Variants in KIF5C observed in about 807,000 individuals in gnomAD.
KIF5C encodes the protein kinesin family member 5C.
A neutral mutation model predicts 125.2 loss-of-function variants in KIF5C; 18 were observed. The observed-to-expected ratio is 0.14, with a 90% CI of 0.10 to 0.21. KIF5C has a LOEUF of 0.21. Ranked by LOEUF, KIF5C falls within the 10% of genes least tolerant of loss-of-function variation. The pLI is 1.00. For missense variants in KIF5C, 780 were observed against 1,183.8 expected (o/e 0.66, Z 5.01); for synonymous variants, 405 against 434.0 (o/e 0.93, Z 0.83).
rs1355292139 is a variant in KIF5C at position 148,963,545 on chromosome 2, G to A, written c.1117+1426G>A. Reference sequence around the variant, plus strand: ...TTTGAAAGATTTTCTAGCAGCACACGTGTTTGGAAAGCTACTAGAATAATT... The same window carrying A: ...TTTGAAAGATTTTCTAGCAGCACACATGTTTGGAAAGCTACTAGAATAATT... On this transcript the variant is annotated intron_variant, in intron 11 of 25. Coordinates refer to ENST00000435030, the MANE Select transcript of KIF5C (RefSeq NM_004522.3). Among the ~76,000 whole-genome samples the A allele has an allele frequency of 3.3e-5, 5 of 152,296 alleles. No homozygotes were observed. In the East Asian group the frequency reaches 9.6e-4, roughly 29 times the overall value.
intron 25 of KIF5C, among the ~76,000 whole-genome samples, chr2:149,014,673 C>T (rs956616729): frequency 3.9e-5 from 6 of 152,172 alleles, no homozygotes; most frequent in African/African-American, 1.4e-4. Flanking sequence ...TGCTTCTAAG[C>T]CCATAACAAT....
chr2:149,017,490 A>T (rs1196670181), intron 25 of KIF5C, among the ~76,000 whole-genome samples: 1 of 152,146 alleles, frequency 6.6e-6, no homozygotes, highest in Non-Finnish European at 1.5e-5. Context: ...ACATCTGCCC[A>T]GCTCCCTCGT....
chr2:149,007,683 G>A (rs1189138239), intron 22 of KIF5C, among the ~76,000 whole-genome samples: 2 of 151,652 alleles, frequency 1.3e-5, no homozygotes, highest in East Asian at 3.9e-4. Flanking sequence ...AAAGGCAGAT[G>A]TATATTTTAC....
chr2:149,013,977 T>C (rs1682286798), intron 25 of KIF5C, among the ~76,000 whole-genome samples: 1 of 152,206 alleles, frequency 6.6e-6, no homozygotes, highest in African/African-American at 2.4e-5. Flanking sequence ...ATGTCCAGGT[T>C]TGTCACATAA....
chr2:148,959,794 C>T (rs1042935886), intron 10 of KIF5C, among the ~76,000 whole-genome samples: 21 of 152,168 alleles, frequency 1.4e-4, no homozygotes, highest in Non-Finnish European at 2.5e-4. Flanking sequence ...CACAGGCAGG[C>T]GATCAGAAGG....
chr2:148,987,409 C>T (rs1281620504), intron 15 of KIF5C, among the ~76,000 whole-genome samples: 3 of 152,028 alleles, frequency 2.0e-5, no homozygotes, highest in South Asian at 2.1e-4. Context: ...GGTGGTCTCT[C>T]GTTGGGGAAG....
At chr2:149,016,769 G>A (rs941462377) in intron 25 of KIF5C, among the ~76,000 whole-genome samples, 3 of 152,222 alleles carry the variant, frequency 2.0e-5, no homozygotes, top group Admixed American at 2.0e-4. Context: ...CAGGGCTGGA[G>A]AGTTGTGACT....
At chr2:148,952,813 G>GT (rs1558914305) in intron 10 of KIF5C, among the ~76,000 whole-genome samples, 1 of 152,168 alleles carries the variant, frequency 6.6e-6, no homozygotes, top group East Asian at 1.9e-4. Context: ...AAAAAAGTCC[G>GT]TGACCGATGG....
chr2:149,014,104 A>C lies in KIF5C; in HGVS notation c.*7+2421A>C, dbSNP rs188107157. On this transcript the variant is annotated intron_variant, in intron 25 of 25. Coordinates refer to ENST00000435030, the MANE Select transcript of KIF5C (RefSeq NM_004522.3). ...CAATGGCATGATCTTGGCTCACTGCATCCTCTGCCTCCTGGGTTCAAACGA... is the reference window on the plus strand; with the variant it reads ...CAATGGCATGATCTTGGCTCACTGCCTCCTCTGCCTCCTGGGTTCAAACGA... Among the ~76,000 whole-genome samples, 293 of 152,276 alleles carry C rather than the reference A, an allele frequency of 1.9e-3. 1 individual carries two copies. The highest frequency in any genetic ancestry group is 6.8e-3 in the African/African-American group (283 of 41,552).
At position 148,989,796 on chromosome 2, in the gene KIF5C, G is replaced by A. The variant is rs998692791; in HGVS notation, c.1717-1214G>A. On this transcript the variant is annotated intron_variant, in intron 15 of 25. Transcript: ENST00000435030. ...ATTTATATTGTTGTTGAATTCTTAT[G>A]GTAAGGTTGATGCCAAACTACAGGC... 2.6e-5 allele frequency among the ~76,000 whole-genome samples: 4 copies of A among 152,084 alleles called. No homozygotes were observed. The East Asian group carries it at 7.7e-4, about 29-fold the overall frequency.
intron 1 of KIF5C, among the ~76,000 whole-genome samples, chr2:148,906,503 T>C (rs1681114223): frequency 6.6e-6 from 1 of 152,086 alleles, no homozygotes; most frequent in Non-Finnish European, 1.5e-5. Context: ...GAGTATTGCT[T>C]GAGCCCAGGA....
chr2:148,998,645 G>T, intron 19 of KIF5C, 136 bp downstream of exon 19: 2 of 1,353,952 alleles, frequency 1.5e-6, no homozygotes, highest in Non-Finnish European at 2.0e-6. Context: ...GACACAGCAG[G>T]CTGGGCGGGC....
intron 4 of KIF5C, among the ~76,000 whole-genome samples, chr2:148,939,931 C>T (rs1310730428): frequency 6.6e-6 from 1 of 152,194 alleles, no homozygotes; most frequent in Non-Finnish European, 1.5e-5. Flanking sequence ...CCCTCGCACA[C>T]ACACCAAAAG....
chr2:148,991,430 C>G (rs1466615964), intron 16 of KIF5C, among the ~76,000 whole-genome samples: 1 of 151,998 alleles, frequency 6.6e-6, no homozygotes, highest in Non-Finnish European at 1.5e-5. Context: ...ATCTATCTAC[C>G]CATCCATAGA....
At chr2:149,001,761 C>A (rs1204540179) in intron 21 of KIF5C, among the ~76,000 whole-genome samples, 3 of 152,216 alleles carry the variant, frequency 2.0e-5, no homozygotes, top group South Asian at 4.1e-4. Flanking sequence ...TCAGGCATTT[C>A]ACATGATTCA....
At chr2:148,942,083 A>C in intron 6 of KIF5C, 93 bp downstream of exon 6, 2 of 1,423,582 alleles carry the variant, frequency 1.4e-6, no homozygotes, top group East Asian at 2.3e-5. Context: ...ATTATCTGTA[A>C]AGAGCATATA....
chr2:148,906,950 C>T (rs1681133527), intron 1 of KIF5C, among the ~76,000 whole-genome samples: 1 of 151,896 alleles, frequency 6.6e-6, no homozygotes, highest in South Asian at 2.1e-4. Context: ...GTCCTAGCTA[C>T]TCAGGATGCT....
chr2:148,901,208 C>T (rs1477899361), intron 1 of KIF5C, among the ~76,000 whole-genome samples: 1 of 152,116 alleles, frequency 6.6e-6, no homozygotes, highest in African/African-American at 2.4e-5. Flanking sequence ...GAAAGCTTTC[C>T]ATGTACTGAT....
chr2:148,999,700 G>C (rs1244628626), intron 19 of KIF5C, among the ~76,000 whole-genome samples: 3 of 152,266 alleles, frequency 2.0e-5, no homozygotes, highest in Non-Finnish European at 4.4e-5. Context: ...GAGGGAGAAA[G>C]AGGGTTGGTT....
Sources: allele counts gnomAD v4.1 joint callset (sites outside exome capture counted in the v4.1 genomes callset), GRCh38; gene constraint gnomAD v4.1.1; transcripts MANE v1.5; gene names NCBI Gene and HGNC (gene_info 2026-07-23, HGNC 2026-07-21).